Variants in ANO2 observed in about 807,000 individuals in gnomAD.
ANO2 encodes anoctamin 2, also known as anoctamin-2.
Under a neutral mutation model 124.2 loss-of-function variants are expected in ANO2, and 101 were observed. The observed-to-expected ratio is 0.81, with a 90% CI of 0.69 to 0.96. The LOEUF (loss-of-function observed/expected upper bound fraction) is 0.96. Ranked by LOEUF, ANO2 falls within the 40% of genes least tolerant of loss-of-function variation. The probability of loss-of-function intolerance (pLI) is 0.00; values close to 1 mark genes in which losing one functional copy is unlikely to be tolerated. For synonymous variants in ANO2, 486 were observed against 482.5 expected (o/e 1.01, Z -0.09); for missense variants, 1,293 against 1,274.5 (o/e 1.01, Z -0.22).
At chr12:5,666,257 A>G (rs1208361547) in intron 14 of ANO2, among the ~76,000 whole-genome samples, 2 of 152,244 alleles carry the variant, frequency 1.3e-5, no homozygotes, top group Middle Eastern at 3.2e-3. Flanking sequence ...AATACATAAC[A>G]GAAATGAAGA....
intron 20 of ANO2, among the ~76,000 whole-genome samples, chr12:5,580,578 C>T (rs548729230): frequency 2.0e-5 from 3 of 152,270 alleles, no homozygotes; most frequent in African/African-American, 7.2e-5. Flanking sequence ...TGCTGTGATG[C>T]TATGGTTCGC....
At chr12:5,923,304 A>G in intron 1 of ANO2, among the ~76,000 whole-genome samples, 1 of 151,930 alleles carries the variant, frequency 6.6e-6, no homozygotes, top group Non-Finnish European at 1.5e-5. Flanking sequence ...TGGAGCCACC[A>G]GCAGGAGCTC....
intron 9 of ANO2, among the ~76,000 whole-genome samples, chr12:5,804,375 C>T (rs985802597): frequency 1.9e-4 from 29 of 152,268 alleles, no homozygotes; most frequent in Non-Finnish European, 1.3e-4. Flanking sequence ...CCTGACTTCA[C>T]GAACATTCAG....
chr12:5,624,268 C>T (rs1009490558), intron 16 of ANO2, among the ~76,000 whole-genome samples: 1 of 152,036 alleles, frequency 6.6e-6, no homozygotes. Flanking sequence ...GAGAAACAGA[C>T]AGACAGACAG....
intron 3 of ANO2, among the ~76,000 whole-genome samples, chr12:5,905,494 G>A (rs1940612756): frequency 6.6e-6 from 1 of 152,140 alleles, no homozygotes; most frequent in African/African-American, 2.4e-5. Context: ...GATTCATGAG[G>A]CCCCAGTGGC....
chr12:5,921,448 C>T (rs1941698751), intron 2 of ANO2, 82 bp from the exon 3 acceptor site: 1 of 1,386,004 alleles, frequency 7.2e-7, no homozygotes, highest in South Asian at 1.3e-5. Flanking sequence ...ATGCTCTGGG[C>T]TCAGGGAAAC....
At chr12:5,859,825 C>T (rs1201840273) in intron 3 of ANO2, among the ~76,000 whole-genome samples, 2 of 152,182 alleles carry the variant, frequency 1.3e-5, no homozygotes, top group African/African-American at 4.8e-5. Context: ...TGAGTCACCA[C>T]ATCTGACCTG....
intron 17 of ANO2, 31 bp from the exon 18 acceptor site, chr12:5,612,989 G>A (rs1591736447): frequency 6.2e-7 from 1 of 1,611,162 alleles, no homozygotes. Context: ...AAGAGTTAGG[G>A]GAAGAGAAAG....
chr12:5,790,524 T>A (rs1952667041), intron 10 of ANO2, among the ~76,000 whole-genome samples: 1 of 152,142 alleles, frequency 6.6e-6, no homozygotes, highest in Non-Finnish European at 1.5e-5. Flanking sequence ...CCAACTATAT[T>A]TCTTCTCTCC....
chr12:5,804,652 T>A (rs1470911210), intron 9 of ANO2, among the ~76,000 whole-genome samples: 4 of 152,244 alleles, frequency 2.6e-5, no homozygotes, highest in Middle Eastern at 3.2e-3. Flanking sequence ...CATTTTCTGA[T>A]GGGAAAATTT....
chr12:5,809,103 G>T (rs1317810018), intron 7 of ANO2, among the ~76,000 whole-genome samples: 1 of 152,166 alleles, frequency 6.6e-6, no homozygotes. Context: ...ATAACTTTGT[G>T]GGGTGAGAGG....
intron 7 of ANO2, among the ~76,000 whole-genome samples, chr12:5,809,559 G>A (rs927266793): frequency 2.0e-5 from 3 of 152,176 alleles, no homozygotes; most frequent in African/African-American, 4.8e-5. Context: ...GACTTTGCAC[G>A]GTAGCCGAGT....
At chr12:5,756,596 G>A (rs1737493966) in intron 10 of ANO2, among the ~76,000 whole-genome samples, 1 of 152,220 alleles carries the variant, frequency 6.6e-6, no homozygotes, top group South Asian at 2.1e-4. Flanking sequence ...CTTAAGCTGG[G>A]TGGGGTCCAA....
chr12:5,857,772 T>TGATAGATAGATA lies in ANO2; in HGVS notation c.535-3643_535-3632dup, dbSNP rs59071869. ...AAGAGAGGAATGGATAAAAGAAATG[T>TGATAGATAGATA]GATAGATAGATAGATAGATAGATAG... On this transcript the variant is annotated intron_variant, in intron 3 of 24. Transcript: ENST00000682330. 1.9e-3 allele frequency among the ~76,000 whole-genome samples: 286 copies of TGATAGATAGATA among 148,406 alleles called. 1 individual carries two copies. The highest frequency in any genetic ancestry group is 2.2e-3 in the Non-Finnish European group (150 of 67,062).
rs374244855 is a variant in ANO2 at position 5,840,229 on chromosome 12, AAT to A, written c.634-7628_634-7627del. On this transcript the variant is annotated intron_variant, in intron 4 of 24. Transcript: ENST00000682330. ...GCTTAAAATCATAAATAATTTTTAA[AAT>A]ATGTTGCTGTTATTTTTTATTCCAG... Among the ~76,000 whole-genome samples, 4 of 152,258 alleles carry A rather than the reference AAT, an allele frequency of 2.6e-5. No homozygotes were observed. The East Asian group carries it at 7.7e-4, about 29-fold the overall frequency.
intron 13 of ANO2, among the ~76,000 whole-genome samples, chr12:5,737,739 A>G (rs1950934597): frequency 6.6e-6 from 1 of 152,190 alleles, no homozygotes; most frequent in African/African-American, 2.4e-5. Context: ...GACAAATAAT[A>G]CAAACATTTC....
At chr12:5,652,690 A>G (rs992831158) in intron 14 of ANO2, among the ~76,000 whole-genome samples, 4 of 152,034 alleles carry the variant, frequency 2.6e-5, no homozygotes, top group Non-Finnish European at 2.9e-5. Context: ...AGTTTTTCCC[A>G]TGATTAGACT....
At chr12:5,591,285 C>G (rs951950564) in intron 20 of ANO2, among the ~76,000 whole-genome samples, 1 of 152,130 alleles carries the variant, frequency 6.6e-6, no homozygotes, top group Admixed American at 6.5e-5. Flanking sequence ...TACCCTGCTT[C>G]TTAGGGGAAA....
intron 16 of ANO2, among the ~76,000 whole-genome samples, chr12:5,617,909 T>C (rs889745847): frequency 2.6e-5 from 4 of 152,240 alleles, no homozygotes; most frequent in African/African-American, 9.6e-5. Context: ...ATAGTCATTA[T>C]CACTGATTCC....
Sources: gnomAD v4.1 joint callset for allele counts (sites outside exome capture counted in the v4.1 genomes callset) on GRCh38, gnomAD v4.1.1 for gene constraint, MANE v1.5 for transcripts, NCBI Gene and HGNC (gene_info 2026-07-23, HGNC 2026-07-21) for gene names.